SNX24: variants seen among roughly 807,000 people sequenced by gnomAD.
SNX24 encodes the protein sorting nexin-24.
Under a neutral mutation model 28.7 loss-of-function variants are expected in SNX24, and 22 were observed. The observed-to-expected ratio is 0.77, with a 90% CI of 0.55 to 1.10. The LOEUF (loss-of-function observed/expected upper bound fraction) is 1.10. Ranked by LOEUF, SNX24 falls within the 50% of genes least tolerant of loss-of-function variation. The pLI is 0.00. For missense variants in SNX24, 221 were observed against 201.1 expected (o/e 1.10, Z -0.60); for synonymous variants, 69 against 71.5 (o/e 0.96, Z 0.18).
intron 3 of SNX24, among the ~76,000 whole-genome samples, chr5:122,947,834 T>C (rs1408821201): frequency 3.3e-5 from 5 of 152,246 alleles, no homozygotes; most frequent in Non-Finnish European, 7.3e-5. Flanking sequence ...GCTTTAGTTC[T>C]GAAGAAAGCT....
At chr5:122,848,405 G>A (rs952785429) in intron 1 of SNX24, among the ~76,000 whole-genome samples, 2 of 147,930 alleles carry the variant, frequency 1.4e-5, no homozygotes, top group African/African-American at 4.9e-5. Context: ...CTGTGTTTGT[G>A]TTTAAAATTT....
rs1336872718 is a variant in SNX24, at chr5:122,963,790, CTCTT to C, written c.249+17636_249+17639del. Among the ~76,000 whole-genome samples the C allele has an allele frequency of 3.3e-5, 5 of 152,270 alleles. No individual in the cohort carries two copies. The East Asian group carries it at 5.8e-4, about 18-fold the overall frequency. On this transcript the variant is annotated intron_variant, in intron 3 of 6. Coordinates refer to ENST00000261369, the MANE Select transcript of SNX24 (RefSeq NM_014035.4). ...TCATGTACTTTCTAATGTAAGTAGT[CTCTT>C]TCTTCACAGACATTAAAATTCTCTC...
chr5:122,963,133 C>G (rs1469000279), intron 3 of SNX24, among the ~76,000 whole-genome samples: 1 of 152,178 alleles, frequency 6.6e-6, no homozygotes, highest in Non-Finnish European at 1.5e-5. Context: ...ACTCAGGAGG[C>G]TGAGGCAGGA....
At chr5:122,930,090 C>T (rs779044497) in intron 1 of SNX24, among the ~76,000 whole-genome samples, 23 of 152,154 alleles carry the variant, frequency 1.5e-4, no homozygotes, top group Non-Finnish European at 2.9e-4. Flanking sequence ...TTCTTTGTTT[C>T]TCTGTGTGCC....
downstream of SNX24, among the ~76,000 whole-genome samples, chr5:123,013,964 T>C (rs1762637642): frequency 6.6e-6 from 1 of 152,184 alleles, no homozygotes; most frequent in Non-Finnish European, 1.5e-5. Context: ...TGAATACTAA[T>C]TTAGGGGCCA....
intron 3 of SNX24, among the ~76,000 whole-genome samples, chr5:122,954,197 C>CTA (rs1554075630): frequency 2.2e-4 from 33 of 150,734 alleles, no homozygotes; most frequent in Admixed American, 1.3e-3. Flanking sequence ...TTCTCTCTCT[C>CTA]TATATATATA....
chr5:122,848,845 G>T (rs1481694105), intron 1 of SNX24, among the ~76,000 whole-genome samples: 1 of 152,052 alleles, frequency 6.6e-6, no homozygotes, highest in Non-Finnish European at 1.5e-5. Flanking sequence ...AAAGTTTCTG[G>T]GTGTATCTTA....
intron 1 of SNX24, among the ~76,000 whole-genome samples, chr5:122,858,162 A>T (rs1755294607): frequency 6.6e-6 from 1 of 152,194 alleles, no homozygotes; most frequent in Non-Finnish European, 1.5e-5. Flanking sequence ...CCATCTTTTT[A>T]TGGGTGTAGC....
intron 3 of SNX24, among the ~76,000 whole-genome samples, chr5:122,975,914 C>G (rs1305302817): frequency 2.0e-5 from 3 of 152,050 alleles, no homozygotes; most frequent in Admixed American, 1.3e-4. Context: ...TTTGAGAAAC[C>G]AACTTGACAA....
chr5:122,913,502 A>C (rs1758003702), intron 1 of SNX24, among the ~76,000 whole-genome samples: 1 of 151,464 alleles, frequency 6.6e-6, no homozygotes, highest in Admixed American at 6.6e-5. Flanking sequence ...CTCACTTCCC[A>C]GACGTGGTGG....
chr5:122,867,282 A>T lies in SNX24; in HGVS notation c.60+21589A>T, dbSNP rs79535175. Among the ~76,000 whole-genome samples, 235 of 152,312 alleles carry T rather than the reference A, an allele frequency of 1.5e-3. 3 individuals carry two copies. In the East Asian group the frequency reaches 0.036, roughly 23 times the overall value. ...CTTCATTTGCTATGAAATCAGTTCC[A>T]TGGCAGTGGATACAGTATCCTGTAA... On this transcript the variant is annotated intron_variant, in intron 1 of 6. Coordinates refer to ENST00000261369, the MANE Select transcript of SNX24 (RefSeq NM_014035.4).
intron 3 of SNX24, among the ~76,000 whole-genome samples, chr5:122,976,473 G>A (rs1434832174): frequency 2.0e-5 from 3 of 152,070 alleles, no homozygotes; most frequent in Admixed American, 1.3e-4. Context: ...ATTATCACTA[G>A]CCAAATAAGA....
At chr5:122,881,074 T>C (rs1301569289) in intron 1 of SNX24, among the ~76,000 whole-genome samples, 2 of 152,182 alleles carry the variant, frequency 1.3e-5, no homozygotes, top group Non-Finnish European at 2.9e-5. Context: ...GGTTTCCTTG[T>C]AGAAACTCAG....
chr5:122,849,666 G>C (rs1267787552), intron 1 of SNX24, among the ~76,000 whole-genome samples: 1 of 152,050 alleles, frequency 6.6e-6, no homozygotes, highest in Non-Finnish European at 1.5e-5. Context: ...AGAAAATGCA[G>C]ATGCACCCAA....
At chr5:122,953,976 T>TA (rs1233832406) in intron 3 of SNX24, among the ~76,000 whole-genome samples, 1 of 152,184 alleles carries the variant, frequency 6.6e-6, no homozygotes. Flanking sequence ...GCCCCTGAGT[T>TA]ACTGTCTTCA....
intron 1 of SNX24, among the ~76,000 whole-genome samples, chr5:122,916,080 G>A (rs927672597): frequency 2.6e-5 from 4 of 152,212 alleles, no homozygotes; most frequent in African/African-American, 9.6e-5. Flanking sequence ...ACATAAAAGT[G>A]ATCAATAATT....
chr5:122,918,201 G>A (rs1758266758), intron 1 of SNX24, among the ~76,000 whole-genome samples: 2 of 152,310 alleles, frequency 1.3e-5, no homozygotes, highest in Middle Eastern at 6.8e-3. Context: ...CTGAGGTCAG[G>A]AGTCATATTG....
chr5:123,015,657 G>A (rs912437852), intron 5 of SNX24, among the ~76,000 whole-genome samples: 7 of 152,158 alleles, frequency 4.6e-5, no homozygotes, highest in African/African-American at 1.7e-4. Context: ...CTAGCCCTCC[G>A]GGTGATTCTG....
intron 1 of SNX24, among the ~76,000 whole-genome samples, chr5:122,913,466 G>T (rs567561329): frequency 6.6e-6 from 1 of 151,986 alleles, no homozygotes; most frequent in Non-Finnish European, 1.5e-5. Context: ...CCTTCCGGAC[G>T]GGGTGGCTGC....
Sources: gnomAD v4.1 joint callset for allele counts (sites outside exome capture counted in the v4.1 genomes callset) on GRCh38, gnomAD v4.1.1 for gene constraint, MANE v1.5 for transcripts, NCBI Gene and HGNC (gene_info 2026-07-23, HGNC 2026-07-21) for gene names.